The following NAALADL2 variants were observed in gnomAD, a reference collection of about 807,000 sequenced individuals.
NAALADL2 encodes N-acetylated alpha-linked acidic dipeptidase like 2, also known as inactive N-acetylated-alpha-linked acidic dipeptidase-like protein 2.
A neutral mutation model predicts 87.2 loss-of-function variants in NAALADL2; 76 were observed. That is an observed-to-expected ratio of 0.87 (90% CI 0.72 to 1.05). The LOEUF is 1.05. Among genes scored for constraint, NAALADL2 ranks in the 50% least tolerant of loss-of-function variants. NAALADL2 has a pLI of 0.00. For synonymous variants in NAALADL2, 354 were observed against 331.0 expected, an observed-to-expected ratio of 1.07 and a Z score of -0.75; for missense variants, 1,089 against 945.8, an observed-to-expected ratio of 1.15 and a Z score of -1.99.
chr3:175,351,080 A>G (rs1318099875), intron 5 of NAALADL2, among the ~76,000 whole-genome samples: 1 of 152,146 alleles, frequency 6.6e-6, no homozygotes, highest in Non-Finnish European at 1.5e-5. Context: ...TGTTCAGTAA[A>G]TGTGCTGCAA....
chr3:175,550,661 G>C (rs1269819366), intron 9 of NAALADL2, among the ~76,000 whole-genome samples: 2 of 152,112 alleles, frequency 1.3e-5, no homozygotes, highest in African/African-American at 4.8e-5. Flanking sequence ...GGGCAGGATG[G>C]ATGCATTATT....
At chr3:174,750,681 G>A (rs759700314) in intron 3 of NAALADL2, among the ~76,000 whole-genome samples, 13 of 152,048 alleles carry the variant, frequency 8.5e-5, no homozygotes, top group Non-Finnish European at 1.5e-4. Context: ...TGATCCACCC[G>A]TCTCAGCCTC....
chr3:175,533,175 T>G (rs1456274485), intron 9 of NAALADL2, among the ~76,000 whole-genome samples: 1 of 152,214 alleles, frequency 6.6e-6, no homozygotes, highest in Non-Finnish European at 1.5e-5. Flanking sequence ...CTGATCCAAC[T>G]CTATGTTCCT....
chr3:174,610,460 A>G (rs995920206), intron 2 of NAALADL2, among the ~76,000 whole-genome samples: 65 of 152,176 alleles, frequency 4.3e-4, no homozygotes, highest in African/African-American at 1.5e-3. Flanking sequence ...AACTCCAACA[A>G]ATTTACAAGA....
At chr3:174,501,970 A>T (rs1373643215) in intron 1 of NAALADL2, among the ~76,000 whole-genome samples, 1 of 151,874 alleles carries the variant, frequency 6.6e-6, no homozygotes, top group Non-Finnish European at 1.5e-5. Flanking sequence ...TTTTAACAGT[A>T]GTTTATTATA....
intron 1 of NAALADL2, among the ~76,000 whole-genome samples, chr3:174,538,101 G>T (rs1515603): frequency 2.6e-5 from 4 of 151,932 alleles, no homozygotes; most frequent in Non-Finnish European, 5.9e-5. Flanking sequence ...GGCTCCCTCA[G>T]AGGTTGACTA....
At chr3:175,412,891 T>TTTA (rs58135076) in intron 5 of NAALADL2, among the ~76,000 whole-genome samples, 8,546 of 122,878 alleles carry the variant, frequency 0.07, 366 homozygotes, top group South Asian at 0.1. Flanking sequence ...ATTTAATTTA[T>TTTA]TTATTATTAT....
intron 1 of NAALADL2, among the ~76,000 whole-genome samples, chr3:174,957,929 A>G (rs533211116): frequency 1.3e-5 from 2 of 152,060 alleles, no homozygotes; most frequent in South Asian, 4.1e-4. Flanking sequence ...ATCCTTGGCA[A>G]ACTCATTTTT....
chr3:175,028,758 T>C (rs1046631974), intron 1 of NAALADL2, among the ~76,000 whole-genome samples: 1 of 151,938 alleles, frequency 6.6e-6, no homozygotes, highest in Non-Finnish European at 1.5e-5. Flanking sequence ...ATAATACTAT[T>C]CCACCTCTCA....
chr3:175,152,084 A>G (rs1037062812), intron 2 of NAALADL2, among the ~76,000 whole-genome samples: 33 of 152,290 alleles, frequency 2.2e-4, no homozygotes, highest in African/African-American at 7.2e-4. Flanking sequence ...GTCTTCTTGT[A>G]TAAGTTGGAT....
intron 2 of NAALADL2, among the ~76,000 whole-genome samples, chr3:175,210,708 A>C (rs1431160658): frequency 6.6e-6 from 1 of 151,610 alleles, no homozygotes; most frequent in Non-Finnish European, 1.5e-5. Flanking sequence ...GAGATGACCA[A>C]TTTTACATGA....
intron 12 of NAALADL2, among the ~76,000 whole-genome samples, chr3:175,738,462 G>T (rs1460056661): frequency 6.6e-6 from 1 of 152,120 alleles, no homozygotes; most frequent in Non-Finnish European, 1.5e-5. Flanking sequence ...GTCCAGGCTG[G>T]TCGCAAATTA....
At chr3:175,650,152 A>G (rs976212872) in intron 11 of NAALADL2, among the ~76,000 whole-genome samples, 1 of 152,120 alleles carries the variant, frequency 6.6e-6, no homozygotes, top group Non-Finnish European at 1.5e-5. Flanking sequence ...AGAATAAAAT[A>G]CTGACACATG....
At chr3:174,944,640 A>G (rs1014623089) in intron 1 of NAALADL2, among the ~76,000 whole-genome samples, 1 of 152,128 alleles carries the variant, frequency 6.6e-6, no homozygotes, top group Non-Finnish European at 1.5e-5. Flanking sequence ...CAGGAAGCCT[A>G]GGAAGCTCAG....
chr3:175,602,454 G>GTATC (rs1484660066), intron 10 of NAALADL2, among the ~76,000 whole-genome samples: 2 of 77,172 alleles, frequency 2.6e-5, no homozygotes, highest in African/African-American at 3.5e-5. Flanking sequence ...TTGTATGTGT[G>GTATC]TATCTATATA....
chr3:174,449,668 A>G (rs544982583), intron 1 of NAALADL2, among the ~76,000 whole-genome samples: 2 of 152,302 alleles, frequency 1.3e-5, no homozygotes, highest in African/African-American at 4.8e-5. Flanking sequence ...GAAAATTATG[A>G]TTTATGTATA....
intron 2 of NAALADL2, among the ~76,000 whole-genome samples, chr3:174,569,705 T>C (rs1326345304): frequency 6.6e-6 from 1 of 152,132 alleles, no homozygotes; most frequent in Non-Finnish European, 1.5e-5. Context: ...AAAATACAGT[T>C]TATTCTAGGC....
At chr3:175,219,070 A>G (rs1023679591) in intron 2 of NAALADL2, among the ~76,000 whole-genome samples, 5 of 151,928 alleles carry the variant, frequency 3.3e-5, no homozygotes, top group African/African-American at 4.8e-5. Context: ...CCAGTTTTTT[A>G]CTCTTGTGAG....
intron 2 of NAALADL2, among the ~76,000 whole-genome samples, chr3:175,125,123 C>T (rs1726753883): frequency 6.6e-6 from 1 of 151,884 alleles, no homozygotes. Flanking sequence ...CTACTGAGCA[C>T]TTGAGAAATA....
Sources: allele counts gnomAD v4.1 joint callset (sites outside exome capture counted in the v4.1 genomes callset), GRCh38; gene constraint gnomAD v4.1.1; transcripts MANE v1.5; gene names NCBI Gene and HGNC (gene_info 2026-07-23, HGNC 2026-07-21).